Variants in TAOK3 observed in about 807,000 individuals in gnomAD.
The protein encoded by TAOK3 is TAO kinase 3.
TAOK3 carries 40 observed loss-of-function variants against 120.4 expected under a neutral mutation model. The ratio of observed to expected loss-of-function variants is 0.33; its 90% CI spans 0.26 to 0.43. The LOEUF is 0.43. Among genes scored for constraint, TAOK3 ranks in the 20% least tolerant of loss-of-function variants. TAOK3 has a pLI of 1.00. For synonymous variants in TAOK3, 355 were observed against 387.5 expected (o/e 0.92, Z 0.99); for missense variants, 821 against 1,112.1 (o/e 0.74, Z 3.72).
At chr12:118,269,041 G>T (rs1396791000) in intron 1 of TAOK3, among the ~76,000 whole-genome samples, 1 of 151,598 alleles carries the variant, frequency 6.6e-6, no homozygotes, top group Non-Finnish European at 1.5e-5. Flanking sequence ...CAAAAGAAAA[G>T]AAAAAAGAAA....
intron 2 of TAOK3, chr12:118,256,068 G>C (rs1451048939): frequency 6.7e-6 from 1 of 149,438 alleles, no homozygotes; most frequent in Non-Finnish European, 1.5e-5. Flanking sequence ...TGGGCAATGA[G>C]AGGGAAACTC....
chr12:118,178,706 C>T (rs1003157172), intron 15 of TAOK3, among the ~76,000 whole-genome samples: 2 of 152,210 alleles, frequency 1.3e-5, no homozygotes, highest in African/African-American at 2.4e-5. Context: ...GATCCACCTG[C>T]CTCGGCCTCC....
rs2035159825 is a variant in TAOK3, at chr12:118,160,714, G to A, written c.2140-356C>T. ...TGCTTTCCTAGTCAGACACTTCAGT[G>A]TCTTCCATTGTTCATTGTTTTTCCC... On this transcript the variant is annotated intron_variant, in intron 18 of 20. Transcript: ENST00000392533. The surrounding 1 kb of genome is among the most constrained non-coding windows in gnomAD (Gnocchi z 4.2). 6.6e-6 allele frequency among the ~76,000 whole-genome samples: 1 copy of A among 152,146 alleles called. No homozygotes were observed. The highest frequency in any genetic ancestry group is 2.1e-4 in the South Asian group (1 of 4,824).
At chr12:118,367,253 A>G (rs1322666943) in intron 1 of TAOK3, among the ~76,000 whole-genome samples, 1 of 152,222 alleles carries the variant, frequency 6.6e-6, no homozygotes, top group African/African-American at 2.4e-5. Context: ...GAAATAACTT[A>G]GAAAGATTTT....
chr12:118,151,296 C>A, intron 20 of TAOK3, 138 bp from the exon 21 acceptor site: 1 of 477,660 alleles, frequency 2.1e-6, no homozygotes, highest in Non-Finnish European at 3.5e-6. Flanking sequence ...CGCGCACACA[C>A]ACACACACAC....
At chr12:118,354,939 T>A (rs1029703225) in intron 1 of TAOK3, among the ~76,000 whole-genome samples, 2 of 151,936 alleles carry the variant, frequency 1.3e-5, no homozygotes, top group Admixed American at 6.6e-5. Flanking sequence ...TTTTTTTTTT[T>A]AATTAGCTAT....
chr12:118,224,216 G>A (rs2039392224), intron 9 of TAOK3, among the ~76,000 whole-genome samples: 1 of 152,184 alleles, frequency 6.6e-6, no homozygotes, highest in Non-Finnish European at 1.5e-5. Flanking sequence ...TCCAAGGCCT[G>A]TGTTCTTTTT....
chr12:118,330,126 C>CT (rs1566126927), intron 1 of TAOK3, among the ~76,000 whole-genome samples: 1 of 152,228 alleles, frequency 6.6e-6, no homozygotes, highest in Non-Finnish European at 1.5e-5. Context: ...TTCCTGTCTT[C>CT]TTTTTTCACA....
intron 1 of TAOK3, among the ~76,000 whole-genome samples, chr12:118,289,876 T>C (rs1251241568): frequency 2.0e-5 from 3 of 151,632 alleles, no homozygotes; most frequent in Admixed American, 6.6e-5. Flanking sequence ...GCGCCTGTAA[T>C]CCCAGCTCCT....
At chr12:118,182,623 A>ATATATATT (rs371125415) in intron 14 of TAOK3, among the ~76,000 whole-genome samples, 4 of 92,388 alleles carry the variant, frequency 4.3e-5, no homozygotes, top group East Asian at 3.6e-4. Context: ...ATATATATAT[A>ATATATATT]TTTTTTTTTT....
Position 118,266,358 on chromosome 12 carries a change from AATTTT to A in TAOK3, c.-89+292_-89+296del, listed in dbSNP as rs199939523. 1.1e-3 allele frequency among the ~76,000 whole-genome samples: 116 copies of A among 109,202 alleles called. No individual in the cohort carries two copies. In the East Asian group the frequency reaches 0.03, roughly 28 times the overall value. 71.6% of individuals were successfully genotyped at this position (109,202 alleles called of 152,430 possible). On this transcript the variant is annotated intron_variant, in intron 2 of 20. Coordinates refer to ENST00000392533, the MANE Select transcript of TAOK3 (RefSeq NM_016281.4). The stretch of plus-strand genomic sequence containing the variant: ...CAGACATGCGCCACCACGCCCGGCT[AATTTT>A]TTTTTTTTTTGCATTTTGAGTAGAG...
intron 1 of TAOK3, among the ~76,000 whole-genome samples, chr12:118,278,998 G>A (rs1333847302): frequency 6.6e-6 from 1 of 151,950 alleles, no homozygotes; most frequent in Non-Finnish European, 1.5e-5. Context: ...GTAGAGGCAG[G>A]GTTTCACCAT....
intron 19 of TAOK3, among the ~76,000 whole-genome samples, chr12:118,153,270 G>T (rs992481603): frequency 6.6e-6 from 1 of 152,112 alleles, no homozygotes; most frequent in Non-Finnish European, 1.5e-5. Context: ...AATTAGCCAG[G>T]CATGGTGGCA....
At chr12:118,231,316 G>GT (rs1488489440) in intron 9 of TAOK3, among the ~76,000 whole-genome samples, 28 of 151,148 alleles carry the variant, frequency 1.9e-4, no homozygotes, top group Middle Eastern at 3.4e-3. Flanking sequence ...TACAAACCTT[G>GT]TGATTCTGCT....
At chr12:118,248,309 T>C (rs2040606985) in intron 3 of TAOK3, among the ~76,000 whole-genome samples, 1 of 152,012 alleles carries the variant, frequency 6.6e-6, no homozygotes, top group Non-Finnish European at 1.5e-5. Flanking sequence ...AGACATAATT[T>C]TCCAGTCTGC....
chr12:118,311,805 T>A (rs939642072), intron 1 of TAOK3, among the ~76,000 whole-genome samples: 1 of 152,108 alleles, frequency 6.6e-6, no homozygotes, highest in African/African-American at 2.4e-5. Context: ...AGGAACTCAA[T>A]GAAGTTACTG....
chr12:118,259,215 G>A lies in TAOK3; in HGVS notation c.-88-3560C>T, dbSNP rs142748722. Among the ~76,000 whole-genome samples, 43 of 152,196 alleles carry A rather than the reference G, an allele frequency of 2.8e-4. No homozygotes were observed. In the East Asian group the frequency reaches 7.9e-3, roughly 28 times the overall value. On this transcript the variant is annotated intron_variant, in intron 2 of 20. Transcript: ENST00000392533. Reference sequence around the variant, plus strand: ...TGCTTCTAGCCAAGATGGAGTAACAGGGGCTGGATTTATTATCTGCCACCG... The same window carrying A: ...TGCTTCTAGCCAAGATGGAGTAACAAGGGCTGGATTTATTATCTGCCACCG...
chr12:118,343,930 T>C (rs1351302629), intron 1 of TAOK3, among the ~76,000 whole-genome samples: 1 of 151,176 alleles, frequency 6.6e-6, no homozygotes, highest in Non-Finnish European at 1.5e-5. Context: ...GAGAATGGCA[T>C]GAACCTAGGA....
At chr12:118,182,292 G>T (rs543654610) in intron 14 of TAOK3, among the ~76,000 whole-genome samples, 1 of 152,012 alleles carries the variant, frequency 6.6e-6, no homozygotes, top group Non-Finnish European at 1.5e-5. Context: ...AGCTAATAAG[G>T]ACTGGATTGG....
Sources: gnomAD v4.1 joint callset for allele counts (sites outside exome capture counted in the v4.1 genomes callset) on GRCh38, gnomAD v4.1.1 for gene constraint, Gnocchi (gnomAD v3.1) non-coding constraint, MANE v1.5 for transcripts, NCBI Gene and HGNC (gene_info 2026-07-23, HGNC 2026-07-21) for gene names.